The following MGST1 variants were observed in gnomAD, a reference collection of about 807,000 sequenced individuals.
MGST1 encodes microsomal glutathione S-transferase 1, also known as glutathione S-transferase 12.
A neutral mutation model predicts 8.9 loss-of-function variants in MGST1; 5 were observed. The observed-to-expected ratio is 0.56, with a 90% CI of 0.29 to 1.19. MGST1 has a LOEUF of 1.19. Among genes scored for constraint, MGST1 ranks in the 50% most tolerant of loss-of-function variants. MGST1 has a pLI of 0.08. For synonymous variants in MGST1, 54 were observed against 67.8 expected (o/e 0.80, Z 1.00); for missense variants, 182 against 187.4 (o/e 0.97, Z 0.17).
chr12:16,534,043 A>T (rs1316364008), intron 4 of MGST1, among the ~76,000 whole-genome samples: 1 of 152,162 alleles, frequency 6.6e-6, no homozygotes, highest in African/African-American at 2.4e-5. Flanking sequence ...GGAAAGGTAG[A>T]TGAAGCCATG....
chr12:16,395,810 C>T (rs113061083), intron 1 of MGST1, among the ~76,000 whole-genome samples: 1,456 of 116,348 alleles, frequency 0.013, 40 homozygotes, highest in African/African-American at 0.051. Flanking sequence ...TATATACACA[C>T]ACACACACAC....
intron 4 of MGST1, among the ~76,000 whole-genome samples, chr12:16,557,044 T>C (rs1468742188): frequency 1.3e-5 from 2 of 152,234 alleles, no homozygotes; most frequent in Non-Finnish European, 2.9e-5. Flanking sequence ...TGAGTTCTCC[T>C]GAGGAGACAG....
In MGST1 at chr12:16,361,593, G is replaced by A. The variant is rs935611786; in HGVS notation, c.222-2202G>A. Among the ~76,000 whole-genome samples, 58 of 152,290 alleles carry A rather than the reference G, an allele frequency of 3.8e-4. No homozygotes were observed. Among genetic ancestry groups the A allele is most frequent in the Admixed American group, 2.1e-3 (32 of 15,298 alleles). On this transcript the variant is annotated intron_variant, in intron 3 of 3. Coordinates refer to ENST00000396210, the MANE Select transcript of MGST1 (RefSeq NM_020300.5). The surrounding 1 kb of genome is among the most constrained non-coding windows in gnomAD (Gnocchi z 4.2). ...CTGCCGCTCCAGGAAGGAGTCTGTC[G>A]TTGGAGAAGAGGGGAGGGTTAGGAC... is the stretch of plus-strand genomic sequence containing the variant.
At chr12:16,574,720 A>G (rs1288414253) in intron 4 of MGST1, among the ~76,000 whole-genome samples, 2 of 152,190 alleles carry the variant, frequency 1.3e-5, no homozygotes, top group African/African-American at 4.8e-5. Context: ...ACCGCAAAGG[A>G]TTTATCGGCC....
At chr12:16,360,717 A>T (rs1939949792) in intron 3 of MGST1, among the ~76,000 whole-genome samples, 1 of 152,304 alleles carries the variant, frequency 6.6e-6, no homozygotes, top group South Asian at 2.1e-4. Flanking sequence ...CAGGAGAGAC[A>T]TTTAGAATAT....
intron 1 of MGST1, among the ~76,000 whole-genome samples, chr12:16,416,585 A>G (rs1940789780): frequency 6.6e-6 from 1 of 152,062 alleles, no homozygotes; most frequent in Admixed American, 6.6e-5. Context: ...GTCTCTTCTT[A>G]TAGGAGCACC....
intron 1 of MGST1, among the ~76,000 whole-genome samples, chr12:16,434,257 T>C (rs1375089024): frequency 6.6e-6 from 1 of 152,114 alleles, no homozygotes; most frequent in Non-Finnish European, 1.5e-5. Flanking sequence ...TGTGAAACAC[T>C]ATGCAAATGA....
intron 4 of MGST1, among the ~76,000 whole-genome samples, chr12:16,489,712 C>G (rs193026866): frequency 6.6e-6 from 1 of 152,108 alleles, no homozygotes; most frequent in Admixed American, 6.5e-5. Context: ...GTAGAGCAGG[C>G]AGAGACACTT....
chr12:16,373,142 T>C (rs1329842021), intron 3 of MGST1, among the ~76,000 whole-genome samples: 1 of 151,556 alleles, frequency 6.6e-6, no homozygotes, highest in Non-Finnish European at 1.5e-5. Context: ...AGTGAAATAA[T>C]CCAAGCACAG....
chr12:16,384,504 G>T (rs1217589680), intron 1 of MGST1, among the ~76,000 whole-genome samples: 1 of 152,140 alleles, frequency 6.6e-6, no homozygotes, highest in Admixed American at 6.5e-5. Flanking sequence ...GCAACCAGAA[G>T]GTAGGAGAGA....
chr12:16,588,946 T>G (rs1384014087), intron 4 of MGST1, among the ~76,000 whole-genome samples: 1 of 152,098 alleles, frequency 6.6e-6, no homozygotes, highest in Non-Finnish European at 1.5e-5. Context: ...CTTTCCCTAC[T>G]GTGGTCCACT....
In MGST1 at chr12:16,376,069, T is replaced by G. The variant is rs982466805; in HGVS notation, c.222-53T>G. ...AATGTATTTTATGTGTTCACGTGTGTGTATATAGTCTTTGAAGGATATTAA... is the reference window on the plus strand; with the variant it reads ...AATGTATTTTATGTGTTCACGTGTGGGTATATAGTCTTTGAAGGATATTAA... On this transcript the variant is annotated intron_variant, in intron 3 of 3. Transcript: ENST00000535309. 12 of 1,209,498 alleles carry G rather than the reference T, an allele frequency of 9.9e-6. No individual in the cohort carries two copies. The African/African-American group carries it at 1.9e-4, about 19-fold the overall frequency. 74.9% of individuals were successfully genotyped at this position (1,209,498 alleles called of 1,614,324 possible).
chr12:16,360,089 G>A (rs894874423), intron 3 of MGST1, among the ~76,000 whole-genome samples: 1 of 152,216 alleles, frequency 6.6e-6, no homozygotes, highest in Admixed American at 6.5e-5. Context: ...CCCTGGTGAT[G>A]AGACACTGGC....
intron 1 of MGST1, among the ~76,000 whole-genome samples, chr12:16,422,336 C>A (rs754422791): frequency 6.6e-6 from 1 of 151,970 alleles, no homozygotes; most frequent in African/African-American, 2.4e-5. Context: ...CGCACAAATC[C>A]CTGGCCAGTG....
chr12:16,365,465 C>A (rs950143423), downstream of MGST1, among the ~76,000 whole-genome samples: 1 of 152,042 alleles, frequency 6.6e-6, no homozygotes, highest in Non-Finnish European at 1.5e-5. Flanking sequence ...TTAGATGTGC[C>A]ACTCAAGAGA....
In MGST1 at chr12:16,584,968, A is replaced by C. The variant is rs1480684783; in HGVS notation, n.483-4560A>C. Reference sequence around the variant, plus strand: ...CAGAATTTTATGATTCTGACCAAAAAGTTACATACTAGTAGCTGTGTGCCA... The same window carrying C: ...CAGAATTTTATGATTCTGACCAAAACGTTACATACTAGTAGCTGTGTGCCA... On this transcript the variant is annotated intron_variant and non_coding_transcript_variant, in intron 4 of 4. Transcript: ENST00000538857. The surrounding 1 kb of genome is among the most constrained non-coding windows in gnomAD (Gnocchi z 5.2). Among the ~76,000 whole-genome samples, 1 of 152,216 alleles carries C rather than the reference A, an allele frequency of 6.6e-6. No individual in the cohort carries two copies. The highest frequency in any genetic ancestry group is 1.5e-5 in the Non-Finnish European group (1 of 68,034).
chr12:16,455,935 G>A (rs571721814), intron 4 of MGST1, among the ~76,000 whole-genome samples: 41 of 151,930 alleles, frequency 2.7e-4, no homozygotes, highest in South Asian at 6.2e-4. Context: ...ATGTGTGTAC[G>A]TGTGTGTATA....
intron 4 of MGST1, among the ~76,000 whole-genome samples, chr12:16,494,620 A>C (rs1176278684): frequency 6.6e-6 from 1 of 152,156 alleles, no homozygotes; most frequent in African/African-American, 2.4e-5. Context: ...TTGTCTCCAC[A>C]GTTCAGAGGC....
chr12:16,475,628 T>C (rs1170548509), intron 4 of MGST1, among the ~76,000 whole-genome samples: 1 of 152,192 alleles, frequency 6.6e-6, no homozygotes, highest in African/African-American at 2.4e-5. Flanking sequence ...GTGGAGTAGA[T>C]AGCAATTCAG....
Sources: allele counts gnomAD v4.1 joint callset (sites outside exome capture counted in the v4.1 genomes callset), GRCh38; gene constraint gnomAD v4.1.1; non-coding constraint Gnocchi (gnomAD v3.1); transcripts MANE v1.5; gene names NCBI Gene and HGNC (gene_info 2026-07-23, HGNC 2026-07-21).